Variants in CRNKL1 observed in about 807,000 individuals in gnomAD.
CRNKL1 encodes the protein crooked neck pre-mRNA splicing factor 1.
In CRNKL1, 35 loss-of-function variants were observed where a neutral mutation model predicts 103.7. That is an observed-to-expected ratio of 0.34 (90% CI 0.26 to 0.45). CRNKL1 has a LOEUF of 0.45. CRNKL1 is among the 20% of genes least tolerant of loss of function. CRNKL1 has a pLI of 1.00. For synonymous variants in CRNKL1, 267 were observed against 282.6 expected (o/e 0.94, Z 0.55); for missense variants, 645 against 836.0 (o/e 0.77, Z 2.82).
intron 6 of CRNKL1, 77 bp downstream of exon 6, chr20:20,045,231 T>C (rs1600249463): frequency 8.1e-7 from 1 of 1,230,204 alleles, no homozygotes; most frequent in Non-Finnish European, 1.1e-6. Context: ...TAAGAAAAAA[T>C]GGAAATGAAC....
In CRNKL1 at chr20:20,052,437, A is replaced by T; in HGVS notation, c.-95T>A. On this transcript the variant is annotated 5_prime_UTR_variant, in exon 1 of 14. Coordinates refer to ENST00000536226, the MANE Select transcript of CRNKL1 (RefSeq NM_001278628.2). ...CGAAACCACAAAGCTTTCAGAAAAC[A>T]AACAGGATCTCGGAACCGGAAGCGG... 6.2e-7 allele frequency: 1 copy of T among 1,614,200 alleles called. No homozygotes were observed. The highest frequency in any genetic ancestry group is 8.5e-7 in the Non-Finnish European group (1 of 1,180,038).
At position 20,043,539 on chromosome 20, in the gene CRNKL1, C is replaced by A; in HGVS notation, c.925G>T (p.Asp309Tyr). 6 of 1,614,082 alleles carry A rather than the reference C, an allele frequency of 3.7e-6. No homozygotes were observed. The highest frequency in any genetic ancestry group is 5.1e-6 in the Non-Finnish European group (6 of 1,179,984). Residue 309 changes from aspartate to tyrosine, a missense_variant, in exon 7 of 14, where the codon GAT (aspartate) becomes TAT (tyrosine). Asp to Tyr is a radical substitution (Grantham distance 160). Coordinates refer to ENST00000536226, the MANE Select transcript of CRNKL1 (RefSeq NM_001278628.2). Reference sequence around the variant, plus strand: ...AATCTCCGTTTGCTCACAATGATATCTTCAATACCCCGCCTATCACCAAAC... The same window carrying A: ...AATCTCCGTTTGCTCACAATGATATATTCAATACCCCGCCTATCACCAAAC... Reference protein sequence around the residue: ...KKFGDRRGIEDIIVSKRRFQY... With the variant: ...KKFGDRRGIEYIIVSKRRFQY...
Position 20,051,032 on chromosome 20 carries a change from A to T in CRNKL1, c.52-410T>A, listed in dbSNP as rs565110840. On this transcript the variant is annotated intron_variant, in intron 1 of 13. Coordinates refer to ENST00000536226, the MANE Select transcript of CRNKL1 (RefSeq NM_001278628.2). ...AACTTATTTAATGCCCCGGTGTATA[A>T]CTGGGTTTGGTTTTACATGGCACTT... 2.0e-5 allele frequency among the ~76,000 whole-genome samples: 3 copies of T among 152,328 alleles called. No homozygotes were observed. The East Asian group carries it at 5.8e-4, about 29-fold the overall frequency.
chr20:20,048,238 AAGT>A, intron 4 of CRNKL1, 102 bp downstream of exon 4: 1 of 1,289,376 alleles, frequency 7.8e-7, no homozygotes, highest in Non-Finnish European at 1.1e-6. Flanking sequence ...TCTGAAGAAA[AAGT>A]AGGATATCAA....
At chr20:20,036,408 C>T in intron 13 of CRNKL1, 46 bp from the exon 14 acceptor site, 1 of 1,573,992 alleles carries the variant, frequency 6.4e-7, no homozygotes, top group Non-Finnish European at 8.7e-7. Context: ...GGGTGATATA[C>T]TCACATATCA....
rs151136145 is a variant in CRNKL1 at position 20,050,639 on chromosome 20, C to T, written c.52-17G>A. ...GTTTTTCACCTTTTAAGAAAGAAGACATTTCTATTTTTAGTAGTTGCTCTT... is the reference window on the plus strand; with the variant it reads ...GTTTTTCACCTTTTAAGAAAGAAGATATTTCTATTTTTAGTAGTTGCTCTT... On this transcript the variant is annotated splice_polypyrimidine_tract_variant and intron_variant, in intron 1 of 13. Transcript: ENST00000536226. The T allele has an allele frequency of 3.0e-5, 48 of 1,584,092 alleles. 2 individuals carry two copies. In the Middle Eastern group the frequency reaches 8.5e-4, roughly 28 times the overall value.
intron 7 of CRNKL1, 49 bp from the exon 8 acceptor site, chr20:20,042,565 A>C (rs1238937283): frequency 6.5e-7 from 1 of 1,541,338 alleles, no homozygotes; most frequent in East Asian, 2.3e-5. Context: ...CAAGAGCTGC[A>C]CTTGCCAGGT....
chr20:20,048,292 G>T, intron 4 of CRNKL1, 51 bp downstream of exon 4: 1 of 1,581,044 alleles, frequency 6.3e-7, no homozygotes, highest in Non-Finnish European at 8.7e-7. Flanking sequence ...TACAGAAGAT[G>T]TGGAACTTTG....
intron 13 of CRNKL1, 21 bp downstream of exon 13, chr20:20,037,302 G>C: frequency 1.9e-6 from 3 of 1,610,000 alleles, no homozygotes; most frequent in Non-Finnish European, 2.5e-6. Context: ...GAGATGAACA[G>C]TCCCAGGGCA....
At chr20:20,036,893 G>A (rs1263119731) in intron 13 of CRNKL1, among the ~76,000 whole-genome samples, 3 of 152,086 alleles carry the variant, frequency 2.0e-5, no homozygotes, top group African/African-American at 7.2e-5. Flanking sequence ...AGCCCCTTGA[G>A]TCTGCCAGGA....
intron 11 of CRNKL1, among the ~76,000 whole-genome samples, chr20:20,039,146 AC>A (rs1314921128): frequency 6.6e-6 from 1 of 152,186 alleles, no homozygotes. Flanking sequence ...GTTTGGTGCT[AC>A]CTTGTGGGTC....
chr20:20,036,740 C>T (rs937125391), intron 13 of CRNKL1, among the ~76,000 whole-genome samples: 2 of 152,234 alleles, frequency 1.3e-5, no homozygotes, highest in African/African-American at 2.4e-5. Flanking sequence ...TCCCTACCTT[C>T]CCATCCTCAC....
rs1296915063 is a variant in CRNKL1 at position 20,045,423 on chromosome 20, G to C, written c.686C>G (p.Ala229Gly). 2 of 1,612,978 alleles carry C rather than the reference G, an allele frequency of 1.2e-6. No individual in the cohort carries two copies. The highest frequency in any genetic ancestry group is 2.7e-5 in the African/African-American group (2 of 74,660). Residue 229 changes from alanine (A) to glycine (G), a missense_variant, in exon 6 of 14, where the codon GCT (alanine) becomes GGT (glycine). Physicochemically the swap from Ala to Gly is moderately conservative, Grantham distance 60. This residue lies in a region of CRNKL1 where 582 missense variants were observed against 707.7 expected (regional missense o/e 0.82). Transcript: ENST00000536226. Reference protein sequence around the residue: ...IKYARFEEKHAYFAHARKVYE... With the variant: ...IKYARFEEKHGYFAHARKVYE... ...CACTTTCCGTGCATGGGCAAAATAAGCATGTTTTTCTTCAAAGCGGGCATA... is the reference window on the plus strand; with the variant it reads ...CACTTTCCGTGCATGGGCAAAATAACCATGTTTTTCTTCAAAGCGGGCATA...
rs771145896 is a variant in CRNKL1, at chr20:20,050,461, C to A, written c.204+9G>T. Reference sequence around the variant, plus strand: ...AATTAGTGGACTGAAAGATACCACACTGACTGACCTTCCTTTTCCTTAGTT... The same window carrying A: ...AATTAGTGGACTGAAAGATACCACAATGACTGACCTTCCTTTTCCTTAGTT... On this transcript the variant is annotated intron_variant, in intron 2 of 13. Coordinates refer to ENST00000536226, the MANE Select transcript of CRNKL1 (RefSeq NM_001278628.2). The A allele has an allele frequency of 6.2e-7, 1 of 1,611,446 alleles. No homozygotes were observed. The highest frequency in any genetic ancestry group is 8.5e-7 in the Non-Finnish European group (1 of 1,178,770).
chr20:20,041,704 A>T, intron 8 of CRNKL1, 79 bp from the exon 9 acceptor site: 2 of 1,053,980 alleles, frequency 1.9e-6, no homozygotes, highest in South Asian at 2.6e-5. Flanking sequence ...AATTTTACTG[A>T]TATTGGTAAA....
In CRNKL1 at chr20:20,048,516, T is replaced by A; in HGVS notation, c.297-15A>T. 6.2e-7 allele frequency: 1 copy of A among 1,612,986 alleles called. No homozygotes were observed. The highest frequency in any genetic ancestry group is 8.5e-7 in the Non-Finnish European group (1 of 1,179,030). On this transcript the variant is annotated splice_polypyrimidine_tract_variant and intron_variant, in intron 3 of 13. Coordinates refer to ENST00000536226, the MANE Select transcript of CRNKL1 (RefSeq NM_001278628.2). ...TGGATCGAGCCCTTAAGAAGCAAGA[T>A]TTGCAGGGCATCAAAAATAGAGCAT...
At chr20:20,051,337 T>C (rs2043722389) in intron 1 of CRNKL1, among the ~76,000 whole-genome samples, 1 of 152,248 alleles carries the variant, frequency 6.6e-6, no homozygotes, top group South Asian at 2.1e-4. Flanking sequence ...AAAATATATA[T>C]TATCAAAATT....
Position 20,039,655 on chromosome 20 carries a change from G to C in CRNKL1, c.1499C>G (p.Ala500Gly). Residue 500 changes from alanine (A) to glycine (G), a missense_variant, in exon 11 of 14, where the codon GCA (alanine) becomes GGA (glycine). Coordinates refer to ENST00000536226, the MANE Select transcript of CRNKL1 (RefSeq NM_001278628.2). ...CTGACTGATGGCTAATTCATAGATT[G>C]CCCGTGCTCTGTCAATATCACCAAG... ...TILGDIDRAR[A>G]IYELAISQPR... 1 of 1,614,158 alleles carries C rather than the reference G, an allele frequency of 6.2e-7. No individual in the cohort carries two copies. Among genetic ancestry groups the C allele is most frequent in the South Asian group, 1.1e-5 (1 of 91,084 alleles).
rs1446536204 is a variant in CRNKL1 at position 20,035,842 on chromosome 20, A to AGAC, written c.*350_*352dup. The AGAC allele has an allele frequency of 1.2e-5, 2 of 169,744 alleles. No homozygotes were observed. Among genetic ancestry groups the AGAC allele is most frequent in the East Asian group, 1.7e-4 (1 of 5,880 alleles). 10.5% of individuals were successfully genotyped at this position (169,744 alleles called of 1,614,324 possible). A position where few individuals can be genotyped will look rare whatever the true frequency, so the allele number is the denominator to read the frequency against. On this transcript the variant is annotated 3_prime_UTR_variant, in exon 14 of 14. Coordinates refer to ENST00000536226, the MANE Select transcript of CRNKL1 (RefSeq NM_001278628.2). ...AATGAACTCAAGTCTGTGACTCTGA[A>AGAC]GACATGAAAAAGTTACACATTTCAG...
Sources: gnomAD v4.1 joint callset for allele counts (sites outside exome capture counted in the v4.1 genomes callset) on GRCh38, gnomAD v4.1.1 for gene constraint, gnomAD v4.1.1 regional missense constraint, MANE v1.5 for transcripts, NCBI Gene and HGNC (gene_info 2026-07-23, HGNC 2026-07-21) for gene names.